PLXDC2: variants seen among roughly 807,000 people sequenced by gnomAD.
PLXDC2 encodes plexin domain containing 2.
In PLXDC2, 40 loss-of-function variants were observed where a neutral mutation model predicts 68.9. The observed-to-expected ratio is 0.58, with a 90% CI of 0.45 to 0.76. PLXDC2 has a LOEUF of 0.76. PLXDC2 is among the 30% of genes least tolerant of loss of function. The pLI is 0.00. For missense variants in PLXDC2, 644 were observed against 661.9 expected, an observed-to-expected ratio of 0.97 and a Z score of 0.30; for synonymous variants, 243 against 234.2, an observed-to-expected ratio of 1.04 and a Z score of -0.34.
At chr10:20,009,229 A>G (rs932449853) in intron 2 of PLXDC2, among the ~76,000 whole-genome samples, 5 of 152,200 alleles carry the variant, frequency 3.3e-5, no homozygotes, top group African/African-American at 4.8e-5. Flanking sequence ...TTACACTACT[A>G]TTGTGCTCAG....
At chr10:20,129,371 C>A (rs1833834017) in intron 4 of PLXDC2, among the ~76,000 whole-genome samples, 1 of 151,888 alleles carries the variant, frequency 6.6e-6, no homozygotes, top group Non-Finnish European at 1.5e-5. Flanking sequence ...TGAATAATGA[C>A]CCCTTAGCAG....
At chr10:20,086,787 G>C (rs1221241872) in intron 4 of PLXDC2, among the ~76,000 whole-genome samples, 1 of 152,062 alleles carries the variant, frequency 6.6e-6, no homozygotes, top group Non-Finnish European at 1.5e-5. Flanking sequence ...GCAGCTCCTT[G>C]AAAAATCAAG....
chr10:20,217,611 T>C, intron 11 of PLXDC2, 35 bp downstream of exon 11: 2 of 1,524,686 alleles, frequency 1.3e-6, no homozygotes, highest in East Asian at 2.3e-5. Context: ...TTTTTTTTTT[T>C]TTTTTTTTTT....
intron 1 of PLXDC2, among the ~76,000 whole-genome samples, chr10:19,861,393 C>T (rs1052976755): frequency 4.0e-5 from 6 of 151,514 alleles, no homozygotes; most frequent in African/African-American, 1.2e-4. Context: ...TCAGTGTCTC[C>T]TTCCTTCCTC....
intron 12 of PLXDC2, among the ~76,000 whole-genome samples, chr10:20,228,202 A>G (rs1231384346): frequency 1.3e-5 from 2 of 152,232 alleles, no homozygotes; most frequent in Non-Finnish European, 2.9e-5. Context: ...AAATTTAGGC[A>G]TCAGCAGCGT....
intron 2 of PLXDC2, among the ~76,000 whole-genome samples, chr10:20,028,889 T>C (rs1309873933): frequency 6.6e-6 from 1 of 152,230 alleles, no homozygotes; most frequent in African/African-American, 2.4e-5. Flanking sequence ...AAGTCTCTCT[T>C]CTTTTACAGA....
chr10:20,257,781 T>C (rs1043166837), intron 13 of PLXDC2, among the ~76,000 whole-genome samples: 8 of 152,130 alleles, frequency 5.3e-5, no homozygotes, highest in Non-Finnish European at 1.2e-4. Flanking sequence ...TACTTTCCCT[T>C]ATGTCCTTTT....
At chr10:20,037,561 T>A (rs1419446602) in intron 2 of PLXDC2, among the ~76,000 whole-genome samples, 2 of 151,990 alleles carry the variant, frequency 1.3e-5, no homozygotes, top group Non-Finnish European at 2.9e-5. Flanking sequence ...GTTCAAGGTT[T>A]GTACCAGGGA....
intron 13 of PLXDC2, among the ~76,000 whole-genome samples, chr10:20,253,223 G>T (rs935121049): frequency 2.6e-5 from 4 of 151,594 alleles, no homozygotes; most frequent in African/African-American, 4.9e-5. Context: ...AAATTAGATG[G>T]GCATGGTAGT....
In PLXDC2 at chr10:19,823,064, C is replaced by T. The variant is rs535769637; in HGVS notation, c.112+5873C>T. 2.7e-3 allele frequency among the ~76,000 whole-genome samples: 416 copies of T among 152,038 alleles called. 2 individuals carry two copies. The highest frequency in any genetic ancestry group is 2.7e-3 in the Non-Finnish European group (185 of 67,980). Reference sequence around the variant, plus strand: ...CCAAGTAGCTGGGACTACAGGCACCCGCCACCACGCCCAGCTAATTTTTTG... The same window carrying T: ...CCAAGTAGCTGGGACTACAGGCACCTGCCACCACGCCCAGCTAATTTTTTG... On this transcript the variant is annotated intron_variant, in intron 1 of 13. Coordinates refer to ENST00000377252, the MANE Select transcript of PLXDC2 (RefSeq NM_032812.9).
intron 1 of PLXDC2, among the ~76,000 whole-genome samples, chr10:19,837,939 C>CTTGCATTT (rs1198835356): frequency 1.3e-5 from 2 of 152,120 alleles, no homozygotes; most frequent in Non-Finnish European, 2.9e-5. Context: ...CTGTCCATTA[C>CTTGCATTT]TTGCATTTTG....
chr10:20,120,659 G>C (rs985319680), intron 4 of PLXDC2, among the ~76,000 whole-genome samples: 1 of 152,076 alleles, frequency 6.6e-6, no homozygotes, highest in Non-Finnish European at 1.5e-5. Context: ...TCTGACTCGG[G>C]GCATATTGAG....
chr10:20,018,438 C>T (rs1835249885), intron 2 of PLXDC2, among the ~76,000 whole-genome samples: 1 of 152,136 alleles, frequency 6.6e-6, no homozygotes, highest in South Asian at 2.1e-4. Flanking sequence ...AAGAACAAAT[C>T]ATTAAAAATA....
intron 3 of PLXDC2, among the ~76,000 whole-genome samples, chr10:20,051,229 A>G (rs1835893247): frequency 1.3e-5 from 2 of 151,792 alleles, no homozygotes; most frequent in South Asian, 2.1e-4. Flanking sequence ...GCCGGAGTCT[A>G]CTTAAGGGTG....
At chr10:20,010,677 C>G (rs1934752381) in intron 2 of PLXDC2, among the ~76,000 whole-genome samples, 1 of 152,130 alleles carries the variant, frequency 6.6e-6, no homozygotes. Flanking sequence ...AAATTATTAA[C>G]TGCATTAGTC....
intron 4 of PLXDC2, among the ~76,000 whole-genome samples, chr10:20,081,748 A>G (rs1028177133): frequency 2.0e-5 from 3 of 152,148 alleles, no homozygotes; most frequent in Admixed American, 6.5e-5. Flanking sequence ...AAATAAAAAC[A>G]GGAGAAGTCT....
chr10:20,127,873 T>TG (rs1288190071), intron 4 of PLXDC2, among the ~76,000 whole-genome samples: 1 of 152,104 alleles, frequency 6.6e-6, no homozygotes, highest in Non-Finnish European at 1.5e-5. Context: ...TTCATTAGGT[T>TG]GGGGGCATTA....
intron 1 of PLXDC2, among the ~76,000 whole-genome samples, chr10:19,876,164 A>G (rs1837627325): frequency 6.6e-6 from 1 of 152,294 alleles, no homozygotes; most frequent in South Asian, 2.1e-4. Flanking sequence ...CCAGAAGGAA[A>G]AAAAATAGGT....
intron 1 of PLXDC2, among the ~76,000 whole-genome samples, chr10:19,894,817 A>G (rs1480323734): frequency 2.6e-5 from 4 of 152,216 alleles, no homozygotes; most frequent in Non-Finnish European, 5.9e-5. Context: ...GAACGCTTTT[A>G]CACTGTTGGT....
Sources: allele counts gnomAD v4.1 joint callset (sites outside exome capture counted in the v4.1 genomes callset), GRCh38; gene constraint gnomAD v4.1.1; transcripts MANE v1.5; gene names NCBI Gene and HGNC (gene_info 2026-07-23, HGNC 2026-07-21).